VPS13B: variants seen among roughly 807,000 people sequenced by gnomAD.
The protein encoded by VPS13B is intermembrane lipid transfer protein VPS13B.
In VPS13B, 285 loss-of-function variants were observed where a neutral mutation model predicts 426.4. That is an observed-to-expected ratio of 0.67 (90% CI 0.61 to 0.74). The LOEUF is 0.74. Among genes scored for constraint, VPS13B ranks in the 30% least tolerant of loss-of-function variants. The pLI is 0.00. For synonymous variants in VPS13B, 1,676 were observed against 1,676.4 expected, an observed-to-expected ratio of 1.00 and a Z score of 0.01; for missense variants, 4,537 against 4,782.6, an observed-to-expected ratio of 0.95 and a Z score of 1.51.
intron 21 of VPS13B, among the ~76,000 whole-genome samples, chr8:99,393,903 A>G (rs1449363958): frequency 6.6e-6 from 1 of 152,124 alleles, no homozygotes; most frequent in Non-Finnish European, 1.5e-5. Context: ...GAATAAAAAT[A>G]TATTTTATGA....
chr8:99,295,275 C>T (rs1455630337), intron 19 of VPS13B, among the ~76,000 whole-genome samples: 2 of 152,012 alleles, frequency 1.3e-5, no homozygotes, highest in Non-Finnish European at 2.9e-5. Flanking sequence ...AATGATACAT[C>T]TATAAACAGC....
intron 35 of VPS13B, among the ~76,000 whole-genome samples, chr8:99,682,727 G>A (rs976476908): frequency 3.3e-5 from 5 of 152,126 alleles, no homozygotes; most frequent in Admixed American, 6.5e-5. Context: ...CTCACCCAAG[G>A]CCCGTGATAA....
chr8:99,227,633 TA>T (rs765939684), intron 17 of VPS13B, among the ~76,000 whole-genome samples: 12 of 152,312 alleles, frequency 7.9e-5, no homozygotes, highest in East Asian at 7.7e-4. Flanking sequence ...AGTTCAGTTT[TA>T]TTTTTTTAAC....
intron 3 of VPS13B, among the ~76,000 whole-genome samples, chr8:99,048,245 T>C (rs1843333360): frequency 6.6e-6 from 1 of 152,200 alleles, no homozygotes; most frequent in Admixed American, 6.5e-5. Flanking sequence ...CTTAAATTTA[T>C]TGAGGCTTGT....
intron 39 of VPS13B, among the ~76,000 whole-genome samples, chr8:99,734,111 A>G (rs1833714878): frequency 6.6e-6 from 1 of 152,206 alleles, no homozygotes; most frequent in Non-Finnish European, 1.5e-5. Flanking sequence ...CATAAGTGGA[A>G]TCATATAAAT....
rs964382620 is a variant in VPS13B, at chr8:99,124,746, G to A, written c.1206+3301G>A. Among the ~76,000 whole-genome samples, 7 of 151,980 alleles carry A rather than the reference G, an allele frequency of 4.6e-5. No individual in the cohort carries two copies. In the East Asian group the frequency reaches 1.4e-3, roughly 29 times the overall value. On this transcript the variant is annotated intron_variant, in intron 8 of 61. Transcript: ENST00000357162. ...CTAAAAATACAAAAAGCTGGGTGTG[G>A]TGGTGGGTACCTGTAATCCCAGCTA...
intron 39 of VPS13B, among the ~76,000 whole-genome samples, chr8:99,755,330 C>T (rs1220524373): frequency 2.0e-5 from 3 of 152,310 alleles, no homozygotes; most frequent in African/African-American, 2.4e-5. Context: ...GACTACTACA[C>T]TAACCAAGTG....
intron 19 of VPS13B, among the ~76,000 whole-genome samples, chr8:99,311,337 T>A (rs1820961822): frequency 6.6e-6 from 1 of 152,236 alleles, no homozygotes; most frequent in African/African-American, 2.4e-5. Context: ...ACACACTGCT[T>A]CAGATGTGTC....
chr8:99,821,213 TA>T (rs999247733), intron 49 of VPS13B, 80 bp from the exon 50 acceptor site: 1,759 of 1,296,000 alleles, frequency 1.4e-3, no homozygotes, highest in East Asian at 3.1e-3. Flanking sequence ...TATATAATAT[TA>T]AAAAAAAAAT....
chr8:99,338,540 T>G (rs1220174960), intron 19 of VPS13B, among the ~76,000 whole-genome samples: 3 of 152,150 alleles, frequency 2.0e-5, no homozygotes, highest in African/African-American at 4.8e-5. Context: ...GTTTTGACGG[T>G]ATGTGATTCA....
chr8:99,734,285 A>C (rs1833725464), intron 39 of VPS13B, among the ~76,000 whole-genome samples: 2 of 152,078 alleles, frequency 1.3e-5, no homozygotes, highest in Non-Finnish European at 2.9e-5. Context: ...TGGACATTTG[A>C]GTGTTTGAAC....
chr8:99,323,523 A>G (rs927690945), intron 19 of VPS13B, among the ~76,000 whole-genome samples: 1 of 152,204 alleles, frequency 6.6e-6, no homozygotes, highest in Admixed American at 6.5e-5. Context: ...TCAAAGACAC[A>G]TAACTAATAA....
At chr8:99,726,954 G>A (rs2130379437) in intron 39 of VPS13B, among the ~76,000 whole-genome samples, 1 of 152,248 alleles carries the variant, frequency 6.6e-6, no homozygotes, top group South Asian at 2.1e-4. Context: ...TGTTATTTTT[G>A]CTCCAGTGGG....
chr8:99,545,933 T>A (rs1823947134), intron 30 of VPS13B, among the ~76,000 whole-genome samples: 1 of 151,806 alleles, frequency 6.6e-6, no homozygotes, highest in Non-Finnish European at 1.5e-5. Context: ...AACTAGAAGA[T>A]CATGATTGAT....
chr8:99,511,295 A>T lies in VPS13B; in HGVS notation c.4416A>T (p.Gln1472His), dbSNP rs1821776501. The T allele has an allele frequency of 1.2e-6, 2 of 1,613,828 alleles. No homozygotes were observed. Among genetic ancestry groups the T allele is most frequent in the African/African-American group, 2.7e-5 (2 of 74,878 alleles). The change falls in exon 29 of 62, where the codon CAA (glutamine) becomes CAT (histidine). Residue 1472 changes from glutamine to histidine, a missense_variant. This residue lies in a region of VPS13B where 4,311 missense variants were observed against 4,474.3 expected (regional missense o/e 0.96). Transcript: ENST00000357162. ...TTCATGAAATTCTTCTTTCAGCACA[A>T]GCTTTTGATATTGTTCTTTATTTTC... ...HFLHEILLSA[Q>H]AFDIVLYFPL...
intron 19 of VPS13B, among the ~76,000 whole-genome samples, chr8:99,319,077 A>G (rs936102948): frequency 3.3e-5 from 5 of 152,160 alleles, no homozygotes; most frequent in Admixed American, 1.3e-4. Context: ...ATATAATCTT[A>G]TTAAGGGAGA....
intron 39 of VPS13B, among the ~76,000 whole-genome samples, chr8:99,738,304 C>A (rs919523348): frequency 2.6e-5 from 4 of 152,180 alleles, no homozygotes; most frequent in Non-Finnish European, 4.4e-5. Flanking sequence ...TTTTAATTCT[C>A]CATGAGGAAA....
At chr8:99,232,358 T>C (rs1174302664) in intron 17 of VPS13B, among the ~76,000 whole-genome samples, 1 of 152,184 alleles carries the variant, frequency 6.6e-6, no homozygotes, top group Non-Finnish European at 1.5e-5. Context: ...ATCCCTCCTG[T>C]TGATATACAC....
At chr8:99,432,172 G>A (rs1324742493) in intron 22 of VPS13B, among the ~76,000 whole-genome samples, 1 of 151,808 alleles carries the variant, frequency 6.6e-6, no homozygotes, top group East Asian at 1.9e-4. Flanking sequence ...TTTCTTTCAA[G>A]ATCATGTTTA....
Sources: allele counts gnomAD v4.1 joint callset (sites outside exome capture counted in the v4.1 genomes callset), GRCh38; gene constraint gnomAD v4.1.1; regional missense constraint gnomAD v4.1.1; transcripts MANE v1.5; gene names NCBI Gene and HGNC (gene_info 2026-07-23, HGNC 2026-07-21).